EPHA5: variants seen among roughly 807,000 people sequenced by gnomAD.
EPHA5 encodes the protein EPH receptor A5.
In EPHA5, 60 loss-of-function variants were observed where a neutral mutation model predicts 105.0. The ratio of observed to expected loss-of-function variants is 0.57; its 90% CI spans 0.46 to 0.71. The LOEUF (loss-of-function observed/expected upper bound fraction) is 0.71. Among genes scored for constraint, EPHA5 ranks in the 30% least tolerant of loss-of-function variants. The probability of loss-of-function intolerance (pLI) is 0.00; values close to 1 mark genes in which losing one functional copy is unlikely to be tolerated. For synonymous variants in EPHA5, 513 were observed against 449.1 expected (o/e 1.14, Z -1.80); for missense variants, 1,218 against 1,274.7 (o/e 0.96, Z 0.68).
chr4:65,476,386 T>C (rs1324195993), intron 5 of EPHA5, among the ~76,000 whole-genome samples: 1 of 152,054 alleles, frequency 6.6e-6, no homozygotes, highest in Non-Finnish European at 1.5e-5. Context: ...TTGTCTTCCA[T>C]GGAACACTAC....
Position 65,420,690 on chromosome 4 carries a change from T to C in EPHA5, c.1403-125A>G, listed in dbSNP as rs550316789. 14 of 876,048 alleles carry C rather than the reference T, an allele frequency of 1.6e-5. No individual in the cohort carries two copies. In the African/African-American group the frequency reaches 1.9e-4, roughly 12 times the overall value. 54.3% of individuals were successfully genotyped at this position (876,048 alleles called of 1,614,324 possible). ...TATAAAAAAAATCCCAATTAAATTT[T>C]AGTTTTTCTATATAAGGTTTAAAGA... is the stretch of plus-strand genomic sequence containing the variant. On this transcript the variant is annotated intron_variant, in intron 5 of 16. Coordinates refer to ENST00000613740, the MANE Select transcript of EPHA5 (RefSeq NM_001281766.3).
At chr4:65,576,352 G>A (rs1410013745) in intron 3 of EPHA5, among the ~76,000 whole-genome samples, 1 of 152,146 alleles carries the variant, frequency 6.6e-6, no homozygotes, top group Non-Finnish European at 1.5e-5. Flanking sequence ...GGTGGAATGT[G>A]CAAATATCGT....
At chr4:65,420,779 T>A (rs1723875470) in intron 5 of EPHA5, among the ~76,000 whole-genome samples, 1 of 152,112 alleles carries the variant, frequency 6.6e-6, no homozygotes, top group African/African-American at 2.4e-5. Flanking sequence ...ATAATAAAAC[T>A]ATTTGTATTC....
At chr4:65,505,992 C>T (rs459790) in intron 3 of EPHA5, among the ~76,000 whole-genome samples, 7,101 of 152,122 alleles carry the variant, frequency 0.047, 280 homozygotes, top group African/African-American at 0.1. Flanking sequence ...GAATGCTATC[C>T]CTCCCTGCTC....
chr4:65,420,860 G>T (rs1723885943), intron 5 of EPHA5, among the ~76,000 whole-genome samples: 1 of 151,706 alleles, frequency 6.6e-6, no homozygotes. Flanking sequence ...AGATATTCCT[G>T]ATTATTTTAT....
At chr4:65,507,373 C>A (rs960081927) in intron 3 of EPHA5, among the ~76,000 whole-genome samples, 1 of 152,000 alleles carries the variant, frequency 6.6e-6, no homozygotes, top group Non-Finnish European at 1.5e-5. Context: ...TCCATATGAA[C>A]TTTAAAGTAG....
chr4:65,557,322 T>C (rs1738558770), intron 3 of EPHA5, among the ~76,000 whole-genome samples: 1 of 147,914 alleles, frequency 6.8e-6, no homozygotes, highest in Admixed American at 6.9e-5. Flanking sequence ...ATTGGGAATC[T>C]TTATGAAGCA....
chr4:65,341,155 A>G (rs1721679467), intron 14 of EPHA5, among the ~76,000 whole-genome samples: 1 of 152,100 alleles, frequency 6.6e-6, no homozygotes, highest in South Asian at 2.1e-4. Flanking sequence ...AGATTAGCCT[A>G]TGGATTATGT....
At chr4:65,508,777 TA>T (rs1733317150) in intron 3 of EPHA5, among the ~76,000 whole-genome samples, 1 of 151,974 alleles carries the variant, frequency 6.6e-6, no homozygotes, top group Admixed American at 6.6e-5. Context: ...TAGATATAGA[TA>T]AAGGTTTTCA....
intron 12 of EPHA5, among the ~76,000 whole-genome samples, chr4:65,352,175 C>T (rs1013354097): frequency 6.6e-6 from 1 of 151,954 alleles, no homozygotes; most frequent in Non-Finnish European, 1.5e-5. Context: ...AATGGCGTGA[C>T]TCTAAGAGAC....
rs1244629027 is a variant in EPHA5 at position 65,490,448 on chromosome 4, A to G, written c.1331T>C (p.Val444Ala). The change falls in exon 5 of 17, where the codon GTG (valine) becomes GCG (alanine). Residue 444 changes from valine to alanine, a missense_variant. Physicochemically the swap from Val to Ala is moderately conservative, Grantham distance 64. This residue lies in a region of EPHA5 where 971 missense variants were observed against 1,013.5 expected (regional missense o/e 0.96). Transcript: ENST00000613740. ...HTNYTFEIEA[V>A]NGVSDLSPGA... ...TGGGCTCAAGTCGGACACTCCATTC[A>G]CTGCCTCAATCTCAAAGGTATAGTT... is the stretch of plus-strand genomic sequence containing the variant. 1.2e-6 allele frequency: 2 copies of G among 1,614,130 alleles called. No individual in the cohort carries two copies. Among genetic ancestry groups the G allele is most frequent in the South Asian group, 2.2e-5 (2 of 91,076 alleles).
chr4:65,413,697 G>A (rs1002107192), intron 7 of EPHA5, among the ~76,000 whole-genome samples: 3 of 152,022 alleles, frequency 2.0e-5, no homozygotes, highest in Admixed American at 6.6e-5. Flanking sequence ...TGTGTTTAGG[G>A]CAAGTAAGTA....
At chr4:65,544,050 T>C (rs1379329627) in intron 3 of EPHA5, among the ~76,000 whole-genome samples, 1 of 151,990 alleles carries the variant, frequency 6.6e-6, no homozygotes, top group East Asian at 1.9e-4. Context: ...GACCCCTTCT[T>C]TACACACCTT....
At chr4:65,385,245 A>G (rs1305562589) in intron 8 of EPHA5, among the ~76,000 whole-genome samples, 1 of 151,966 alleles carries the variant, frequency 6.6e-6, no homozygotes, top group East Asian at 1.9e-4. Flanking sequence ...AGTAAAAGAA[A>G]CAAGTCAAAT....
chr4:65,367,380 T>G lies in EPHA5; in HGVS notation c.1838A>C (p.Lys613Thr), dbSNP rs772562122. The G allele has an allele frequency of 6.2e-7, 1 of 1,612,078 alleles. No individual in the cohort carries two copies. The highest frequency in any genetic ancestry group is 1.1e-5 in the South Asian group (1 of 91,048). ...ACTGTGCCCATTATGAAAATGCATC[T>G]TTTCCTCTTCTGGATCTTGTTTTGC... The part of the protein sequence containing the change: ...SKAKQDPEEE[K>T]MHFHNGHIKL... The change falls in exon 9 of 17, where the codon AAG becomes ACG. Residue 613 changes from lysine (K) to threonine (T), a missense_variant. Transcript: ENST00000613740.
chr4:65,581,417 C>A (rs1481187655), intron 3 of EPHA5, among the ~76,000 whole-genome samples: 2 of 151,664 alleles, frequency 1.3e-5, no homozygotes, highest in Admixed American at 6.6e-5. Context: ...ACATATCCTA[C>A]AAAGTCAATC....
At chr4:65,583,281 T>A (rs1741817290) in intron 3 of EPHA5, among the ~76,000 whole-genome samples, 1 of 151,668 alleles carries the variant, frequency 6.6e-6, no homozygotes, top group Non-Finnish European at 1.5e-5. Context: ...TATTAAAGCT[T>A]TCTCTGTAAC....
intron 5 of EPHA5, among the ~76,000 whole-genome samples, chr4:65,449,419 C>T (rs1031058514): frequency 3.3e-5 from 5 of 152,022 alleles, no homozygotes; most frequent in Non-Finnish European, 7.4e-5. Context: ...AAACTTCTGC[C>T]ACAGAATAAA....
At chr4:65,466,750 G>T (rs1728760483) in intron 5 of EPHA5, among the ~76,000 whole-genome samples, 1 of 152,158 alleles carries the variant, frequency 6.6e-6, no homozygotes. Context: ...GTGTTTCCAA[G>T]ATTACCGAAG....
Sources: gnomAD v4.1 joint callset for allele counts (sites outside exome capture counted in the v4.1 genomes callset) on GRCh38, gnomAD v4.1.1 for gene constraint, gnomAD v4.1.1 regional missense constraint, MANE v1.5 for transcripts, NCBI Gene and HGNC (gene_info 2026-07-23, HGNC 2026-07-21) for gene names.